PTPRD: variants seen among roughly 807,000 people sequenced by gnomAD.
PTPRD encodes protein tyrosine phosphatase receptor type D.
In PTPRD, 34 loss-of-function variants were observed where a neutral mutation model predicts 214.5. That is an observed-to-expected ratio of 0.16 (90% CI 0.12 to 0.21). The LOEUF is 0.21. PTPRD is among the 10% of genes least tolerant of loss of function. The pLI, the probability that PTPRD is intolerant of heterozygous loss-of-function variation, is 1.00. For missense variants in PTPRD, 2,545 were observed against 2,398.7 expected, an observed-to-expected ratio of 1.06 and a Z score of -1.27; for synonymous variants, 1,128 against 845.7, an observed-to-expected ratio of 1.33 and a Z score of -5.79.
intron 2 of PTPRD, among the ~76,000 whole-genome samples, chr9:10,510,922 T>C (rs2047801802): frequency 2.6e-5 from 4 of 152,168 alleles, no homozygotes; most frequent in Non-Finnish European, 4.4e-5. Context: ...TGAATACTTT[T>C]AGTTCCCACA....
At chr9:10,252,039 CTGA>C (rs1322373530) in intron 3 of PTPRD, among the ~76,000 whole-genome samples, 36 of 152,220 alleles carry the variant, frequency 2.4e-4, no homozygotes, top group African/African-American at 8.7e-4. Context: ...GTTAATTAGC[CTGA>C]TTTGCTCATT....
chr9:9,397,246 C>G (rs1257611865), intron 9 of PTPRD, among the ~76,000 whole-genome samples: 1 of 151,928 alleles, frequency 6.6e-6, no homozygotes, highest in East Asian at 1.9e-4. Context: ...ATAAACATCT[C>G]TGTTGACAAA....
rs147838701 is a variant in PTPRD at position 9,135,952 on chromosome 9, G to A, written c.-143+47352C>T. ...TAAATATTAATGATGACAATAAAAC[G>A]TTATTTTTTCATGTGAAATCATCTT... On this transcript the variant is annotated intron_variant, in intron 10 of 45. Transcript: ENST00000381196. Among the ~76,000 whole-genome samples the A allele has an allele frequency of 5.9e-5, 9 of 151,648 alleles. No homozygotes were observed. In the East Asian group the frequency reaches 1.2e-3, roughly 20 times the overall value.
chr9:8,391,961 C>A (rs10815849), intron 36 of PTPRD, among the ~76,000 whole-genome samples: 26,461 of 150,388 alleles, frequency 0.18, 2,764 homozygotes, highest in Non-Finnish European at 0.23. Flanking sequence ...ATAATAAATT[C>A]TTTTTGTTTA....
intron 5 of PTPRD, among the ~76,000 whole-genome samples, chr9:9,938,284 C>T (rs978993093): frequency 1.3e-5 from 2 of 152,140 alleles, no homozygotes; most frequent in East Asian, 1.9e-4. Flanking sequence ...TTCATAGTTA[C>T]CTGTTCTACA....
intron 11 of PTPRD, among the ~76,000 whole-genome samples, chr9:8,853,067 T>G (rs544789524): frequency 2.6e-3 from 390 of 152,282 alleles, no homozygotes; most frequent in Non-Finnish European, 4.4e-3. Flanking sequence ...AAATGCAAAC[T>G]GTTGATTTCT....
intron 9 of PTPRD, among the ~76,000 whole-genome samples, chr9:9,280,290 A>G (rs1296003879): frequency 6.6e-6 from 1 of 151,280 alleles, no homozygotes; most frequent in African/African-American, 2.4e-5. Flanking sequence ...CTACATTCTG[A>G]CACTGAATTA....
intron 9 of PTPRD, among the ~76,000 whole-genome samples, chr9:9,381,905 T>TAA (rs35036506): frequency 6.9e-5 from 10 of 145,888 alleles, no homozygotes; most frequent in African/African-American, 2.3e-4. Flanking sequence ...ACTATTTCTG[T>TAA]AAAAAAAAAA....
chr9:9,975,423 T>C (rs549549959), intron 4 of PTPRD, among the ~76,000 whole-genome samples: 4 of 152,348 alleles, frequency 2.6e-5, no homozygotes, highest in East Asian at 1.9e-4. Context: ...ATTTCAGTAG[T>C]GGACAATGCG....
intron 7 of PTPRD, among the ~76,000 whole-genome samples, chr9:9,716,089 T>C (rs534429473): frequency 6.7e-6 from 1 of 150,086 alleles, no homozygotes; most frequent in African/African-American, 2.5e-5. Context: ...CACCTATGAG[T>C]GAGAATATGC....
chr9:8,620,370 G>A (rs574496036), intron 14 of PTPRD, among the ~76,000 whole-genome samples: 14 of 152,124 alleles, frequency 9.2e-5, no homozygotes, highest in African/African-American at 3.1e-4. Flanking sequence ...ACAGCATGCC[G>A]CTCATGGAGA....
intron 2 of PTPRD, among the ~76,000 whole-genome samples, chr9:10,350,477 A>T (rs2097163091): frequency 6.6e-6 from 1 of 152,136 alleles, no homozygotes; most frequent in African/African-American, 2.4e-5. Context: ...ATCAAAAAAA[A>T]TTAAGCATTT....
At chr9:9,588,697 C>T (rs912263060) in intron 7 of PTPRD, among the ~76,000 whole-genome samples, 2 of 151,862 alleles carry the variant, frequency 1.3e-5, no homozygotes, top group Non-Finnish European at 2.9e-5. Flanking sequence ...CACTACCAGT[C>T]CTTGAATTGT....
intron 2 of PTPRD, among the ~76,000 whole-genome samples, chr9:10,362,695 C>A (rs1409177033): frequency 6.6e-6 from 1 of 151,998 alleles, no homozygotes; most frequent in African/African-American, 2.4e-5. Context: ...GCCTGGCCAA[C>A]ATGATGAAAC....
chr9:9,795,625 C>T (rs192963579), intron 5 of PTPRD, among the ~76,000 whole-genome samples: 5 of 152,150 alleles, frequency 3.3e-5, no homozygotes, highest in African/African-American at 1.2e-4. Context: ...ATGTCATTAA[C>T]CTTTTTCTTA....
intron 2 of PTPRD, among the ~76,000 whole-genome samples, chr9:10,589,910 A>G (rs1184629499): frequency 6.6e-6 from 1 of 152,126 alleles, no homozygotes; most frequent in East Asian, 1.9e-4. Flanking sequence ...ATAAGCTAGA[A>G]TATTTTAAAA....
chr9:9,218,056 T>C (rs1262569111), intron 9 of PTPRD, among the ~76,000 whole-genome samples: 1 of 152,120 alleles, frequency 6.6e-6, no homozygotes, highest in Non-Finnish European at 1.5e-5. Flanking sequence ...CATATAACTA[T>C]CTGTTTAAGG....
chr9:10,089,089 C>A (rs1164657732), intron 3 of PTPRD, among the ~76,000 whole-genome samples: 1 of 151,456 alleles, frequency 6.6e-6, no homozygotes, highest in East Asian at 1.9e-4. Flanking sequence ...CCCATGTAGT[C>A]CCAGCTACTT....
chr9:8,691,124 A>G (rs1421997780), intron 12 of PTPRD, among the ~76,000 whole-genome samples: 1 of 152,202 alleles, frequency 6.6e-6, no homozygotes, highest in Non-Finnish European at 1.5e-5. Context: ...GCTTTTGACA[A>G]AACTATTCCT....
Sources: gnomAD v4.1 joint callset for allele counts (sites outside exome capture counted in the v4.1 genomes callset) on GRCh38, gnomAD v4.1.1 for gene constraint, MANE v1.5 for transcripts, NCBI Gene and HGNC (gene_info 2026-07-23, HGNC 2026-07-21) for gene names.